The following BRIP1 variants were observed in gnomAD, a reference collection of about 807,000 sequenced individuals.
BRIP1 encodes Fanconi anemia group J protein.
A neutral mutation model predicts 119.7 loss-of-function variants in BRIP1; 88 were observed. The observed-to-expected ratio is 0.74, with a 90% CI of 0.62 to 0.88. The LOEUF is 0.88. Ranked by LOEUF, BRIP1 falls within the 40% of genes least tolerant of loss-of-function variation. The probability of loss-of-function intolerance (pLI) is 0.00; values close to 1 mark genes in which losing one functional copy is unlikely to be tolerated. For synonymous variants in BRIP1, 443 were observed against 496.5 expected, an observed-to-expected ratio of 0.89 and a Z score of 1.43; for missense variants, 1,259 against 1,455.4, an observed-to-expected ratio of 0.87 and a Z score of 2.20.
At position 61,738,091 on chromosome 17, in the gene BRIP1, A is replaced by G. The variant is rs987035778; in HGVS notation, c.2379+4922T>C. On this transcript the variant is annotated intron_variant, in intron 16 of 19. Transcript: ENST00000259008. The surrounding 1 kb of genome is among the most constrained non-coding windows in gnomAD (Gnocchi z 4.2). The stretch of plus-strand genomic sequence containing the variant: ...AAAGAATGAAATACAGGTGGAACAG[A>G]GCTGACTCAGTTGACTTCAACACAG... Among the ~76,000 whole-genome samples the G allele has an allele frequency of 1.3e-5, 2 of 152,198 alleles. No individual in the cohort carries two copies. The highest frequency in any genetic ancestry group is 1.3e-4 in the Admixed American group (2 of 15,282).
Position 61,822,098 on chromosome 17 carries a change from T to G in BRIP1, c.628-13341A>C, listed in dbSNP as rs1277957276. ...AAAACCTCGTGTGACTGGTTTTTGA[T>G]GTGAAAAATATAAATTAATGAATGA... On this transcript the variant is annotated intron_variant, in intron 6 of 19. Coordinates refer to ENST00000259008, the MANE Select transcript of BRIP1 (RefSeq NM_032043.3). This position sits in a 1 kb window ranked among gnomAD's most constrained non-coding sequence, Gnocchi z 4.4. Among the ~76,000 whole-genome samples the G allele has an allele frequency of 6.6e-6, 1 of 152,182 alleles. No homozygotes were observed. The highest frequency in any genetic ancestry group is 6.5e-5 in the Admixed American group (1 of 15,284).
intron 6 of BRIP1, among the ~76,000 whole-genome samples, chr17:61,821,083 T>C (rs1284952744): frequency 1.3e-5 from 2 of 152,214 alleles, no homozygotes; most frequent in African/African-American, 4.8e-5. Flanking sequence ...ATTGGTTATT[T>C]TGTTGCACAC....
Position 61,744,600 on chromosome 17 carries a change from G to A in BRIP1, c.2098-9C>T, listed in dbSNP as rs2077035155. On this transcript the variant is annotated splice_polypyrimidine_tract_variant and intron_variant, in intron 14 of 19. Transcript: ENST00000259008. The surrounding 1 kb of genome is among the most constrained non-coding windows in gnomAD (Gnocchi z 5.0). ...TTTAATTTTTCTAATAACTAAAGAG[G>A]GGAAAGAAAAAAATGATTTTTTGTG... 4 of 1,611,214 alleles carry A rather than the reference G, an allele frequency of 2.5e-6. No homozygotes were observed. The highest frequency in any genetic ancestry group is 3.4e-6 in the Non-Finnish European group (4 of 1,177,706).
At chr17:61,829,322 C>G (rs930469241) in intron 6 of BRIP1, among the ~76,000 whole-genome samples, 1 of 151,916 alleles carries the variant, frequency 6.6e-6, no homozygotes, top group African/African-American at 2.4e-5. Flanking sequence ...GATCTCAGAA[C>G]AAAGACATTT....
At position 61,789,295 on chromosome 17, in the gene BRIP1, TA is replaced by T. The variant is rs1187385354; in HGVS notation, c.1473+4301del. 1.3e-5 allele frequency among the ~76,000 whole-genome samples: 2 copies of T among 151,128 alleles called. No individual in the cohort carries two copies. Among genetic ancestry groups the T allele is most frequent in the Non-Finnish European group, 3.0e-5 (2 of 67,748 alleles). On this transcript the variant is annotated intron_variant, in intron 10 of 19. Coordinates refer to ENST00000259008, the MANE Select transcript of BRIP1 (RefSeq NM_032043.3). The surrounding 1 kb of genome is among the most constrained non-coding windows in gnomAD (Gnocchi z 4.8). ...AAAACAAAAAAAAAAAGTTAAAAAA[TA>T]TTTTTTTAATTAAAAAAAGAAAAAT...
rs143904884 is a variant in BRIP1 at position 61,841,230 on chromosome 17, T to C, written c.627+5871A>G. Among the ~76,000 whole-genome samples, 2 of 151,916 alleles carry C rather than the reference T, an allele frequency of 1.3e-5. No individual in the cohort carries two copies. The highest frequency in any genetic ancestry group is 3.9e-4 in the East Asian group (2 of 5,168). On this transcript the variant is annotated intron_variant, in intron 6 of 19. Transcript: ENST00000259008. This position sits in a 1 kb window ranked among gnomAD's most constrained non-coding sequence, Gnocchi z 4.1. The stretch of plus-strand genomic sequence containing the variant: ...ATAGACAAATAGGACAGTATCAAAC[T>C]AAAAAGCTTCTGCACAGCAAAGGAA...
chr17:61,749,572 G>A (rs1351536976), intron 14 of BRIP1, among the ~76,000 whole-genome samples: 1 of 152,034 alleles, frequency 6.6e-6, no homozygotes, highest in African/African-American at 2.4e-5. Context: ...CTGTTCGGAA[G>A]GCCATTATTT....
chr17:61,830,156 A>C (rs1022116202), intron 6 of BRIP1, among the ~76,000 whole-genome samples: 4 of 151,320 alleles, frequency 2.6e-5, no homozygotes, highest in Admixed American at 1.3e-4. Context: ...CTGGTCTCAA[A>C]CTCCTGGCCT....
chr17:61,761,381 C>G lies in BRIP1; in HGVS notation c.2097+15020G>C, dbSNP rs1022408679. ...AGGATGCCCACTTTCACTATGTCCA[C>G]TTAACACAGTACTGAAGTCCTTGCC... is the stretch of plus-strand genomic sequence containing the variant. On this transcript the variant is annotated intron_variant, in intron 14 of 19. Transcript: ENST00000259008. This position sits in a 1 kb window ranked among gnomAD's most constrained non-coding sequence, Gnocchi z 6.4. Among the ~76,000 whole-genome samples, 1 of 151,836 alleles carries G rather than the reference C, an allele frequency of 6.6e-6. No individual in the cohort carries two copies. Among genetic ancestry groups the G allele is most frequent in the African/African-American group, 2.4e-5 (1 of 41,392 alleles).
chr17:61,838,805 T>C (rs1314846076), intron 6 of BRIP1, among the ~76,000 whole-genome samples: 11 of 151,892 alleles, frequency 7.2e-5, no homozygotes, highest in Admixed American at 7.2e-4. Flanking sequence ...ATATGATCTG[T>C]CAGCATAAGA....
chr17:61,685,688 AC>A, intron 19 of BRIP1, 147 bp downstream of exon 19: 1 of 779,504 alleles, frequency 1.3e-6, no homozygotes, highest in Non-Finnish European at 2.1e-6. Context: ...CCATTACAGT[AC>A]ACCATACTGT....
In BRIP1 at chr17:61,808,912, G is replaced by T. The variant is rs759363279; in HGVS notation, c.628-155C>A. 9.9e-5 allele frequency among the ~76,000 whole-genome samples: 15 copies of T among 152,068 alleles called. No homozygotes were observed. The highest frequency in any genetic ancestry group is 1.6e-4 in the Non-Finnish European group (11 of 67,996). On this transcript the variant is annotated intron_variant, in intron 6 of 19. Transcript: ENST00000259008. The surrounding 1 kb of genome is among the most constrained non-coding windows in gnomAD (Gnocchi z 4.1). ...ATAGTATCTAAAACTTGCCATTAAA[G>T]AAAAAACTACAATTTAAAATTGGTC...
rs566626963 is a variant in BRIP1 at position 61,805,417 on chromosome 17, C to T, written c.918+3050G>A. ...CATTATTTTCACTCACTTTCTCTAA[C>T]CTCTACTGTTCTTATTCTTCATACT... On this transcript the variant is annotated intron_variant, in intron 7 of 19. Coordinates refer to ENST00000259008, the MANE Select transcript of BRIP1 (RefSeq NM_032043.3). The surrounding 1 kb of genome is among the most constrained non-coding windows in gnomAD (Gnocchi z 5.6). Among the ~76,000 whole-genome samples the T allele has an allele frequency of 1.3e-5, 2 of 152,266 alleles. No homozygotes were observed. The highest frequency in any genetic ancestry group is 3.9e-4 in the East Asian group (2 of 5,188).
chr17:61,763,245 T>C (rs368788852), intron 14 of BRIP1, among the ~76,000 whole-genome samples: 2 of 152,128 alleles, frequency 1.3e-5, no homozygotes, highest in South Asian at 2.1e-4. Flanking sequence ...GAAATACCCA[T>C]TTATTATCTC....
At position 61,780,488 on chromosome 17, in the gene BRIP1, G is replaced by A; in HGVS notation, c.1795-87C>T. ...CACACCTGTAATCCCAGCACTTTGG[G>A]AGGCTGAAGCAGGAAGATCGCTTGA... On this transcript the variant is annotated intron_variant, in intron 12 of 19. Transcript: ENST00000259008. The surrounding 1 kb of genome is among the most constrained non-coding windows in gnomAD (Gnocchi z 5.4). 1 of 1,217,702 alleles carries A rather than the reference G, an allele frequency of 8.2e-7. No individual in the cohort carries two copies. The highest frequency in any genetic ancestry group is 1.2e-6 in the Non-Finnish European group (1 of 826,116). The allele number at this position is 1,217,702 out of a possible 1,614,324, so 75.4% of individuals were successfully genotyped here.
At chr17:61,835,715 A>AG (rs1303057907) in intron 6 of BRIP1, among the ~76,000 whole-genome samples, 1 of 152,028 alleles carries the variant, frequency 6.6e-6, no homozygotes, top group Non-Finnish European at 1.5e-5. Context: ...AAAATTAAAG[A>AG]GAAAAAAAAG....
intron 6 of BRIP1, among the ~76,000 whole-genome samples, chr17:61,838,918 C>T (rs1001239891): frequency 6.6e-5 from 10 of 151,986 alleles, no homozygotes; most frequent in East Asian, 5.8e-4. Context: ...TTAAAACTTA[C>T]GACATTAATA....
rs548173697 is a variant in BRIP1, at chr17:61,710,304, A to G, written c.2492+5647T>C. ...GTTGTATGGCAGGAAAAAGCACTGA[A>G]CCTCACATTTTTCACTAATTCAACA... On this transcript the variant is annotated intron_variant, in intron 17 of 19. Coordinates refer to ENST00000259008, the MANE Select transcript of BRIP1 (RefSeq NM_032043.3). This position sits in a 1 kb window ranked among gnomAD's most constrained non-coding sequence, Gnocchi z 5.4. 1.8e-4 allele frequency among the ~76,000 whole-genome samples: 27 copies of G among 152,272 alleles called. No individual in the cohort carries two copies. The highest frequency in any genetic ancestry group is 6.5e-4 in the African/African-American group (27 of 41,554).
Position 61,844,084 on chromosome 17 carries a change from C to A in BRIP1, c.627+3017G>T, listed in dbSNP as rs1263367958. On this transcript the variant is annotated intron_variant, in intron 6 of 19. Transcript: ENST00000259008. This position sits in a 1 kb window ranked among gnomAD's most constrained non-coding sequence, Gnocchi z 4.7. Reference sequence around the variant, plus strand: ...GACTACAAGTACACACCACCACACACAGCTATTTTTTTTCTTCTATTCTTT... The same window carrying A: ...GACTACAAGTACACACCACCACACAAAGCTATTTTTTTTCTTCTATTCTTT... Among the ~76,000 whole-genome samples the A allele has an allele frequency of 6.6e-6, 1 of 151,840 alleles. No individual in the cohort carries two copies. Among genetic ancestry groups the A allele is most frequent in the African/African-American group, 2.4e-5 (1 of 41,354 alleles).
Sources: gnomAD v4.1 joint callset for allele counts (sites outside exome capture counted in the v4.1 genomes callset) on GRCh38, gnomAD v4.1.1 for gene constraint, Gnocchi (gnomAD v3.1) non-coding constraint, MANE v1.5 for transcripts, NCBI Gene and HGNC (gene_info 2026-07-23, HGNC 2026-07-21) for gene names.